PCDHGA9: variants seen among roughly 807,000 people sequenced by gnomAD.
PCDHGA9 encodes the protein protocadherin gamma-A9.
In PCDHGA9, 37 loss-of-function variants were observed where a neutral mutation model predicts 62.5. The ratio of observed to expected loss-of-function variants is 0.59; its 90% CI spans 0.46 to 0.78. The LOEUF (loss-of-function observed/expected upper bound fraction) is 0.78, where lower values mean the gene tolerates loss of function less well. PCDHGA9 is among the 30% of genes least tolerant of loss of function. The pLI is 0.00. For missense variants in PCDHGA9, 1,138 were observed against 1,166.2 expected, an observed-to-expected ratio of 0.98 and a Z score of 0.35; for synonymous variants, 459 against 484.6, an observed-to-expected ratio of 0.95 and a Z score of 0.69.
Position 141,485,716 on chromosome 5 carries a change from T to C in PCDHGA9, c.2425-9091T>C. Reference sequence around the variant, plus strand: ...GCTCCAATGAACACTTTGCACTGGATGTGAAGAAGCGCAGCGACGGCAGCC... The same window carrying C: ...GCTCCAATGAACACTTTGCACTGGACGTGAAGAAGCGCAGCGACGGCAGCC... On this transcript the variant is annotated intron_variant, in intron 1 of 3. Coordinates refer to ENST00000573521, the MANE Select transcript of PCDHGA9 (RefSeq NM_018921.3). The surrounding 1 kb of genome is among the most constrained non-coding windows in gnomAD (Gnocchi z 5.7). The C allele has an allele frequency of 6.2e-7, 1 of 1,614,044 alleles. No individual in the cohort carries two copies. Among genetic ancestry groups the C allele is most frequent in the Non-Finnish European group, 8.5e-7 (1 of 1,180,002 alleles).
intron 1 of PCDHGA9, chr5:141,423,505 C>G: frequency 6.2e-7 from 1 of 1,613,932 alleles, no homozygotes; most frequent in Non-Finnish European, 8.5e-7. Context: ...CGAGGTCTCT[C>G]TCATTGCGGA....
chr5:141,434,277 A>G (rs760937958), intron 1 of PCDHGA9, among the ~76,000 whole-genome samples: 4 of 152,172 alleles, frequency 2.6e-5, no homozygotes, highest in Non-Finnish European at 4.4e-5. Flanking sequence ...AATTAGAGGT[A>G]TTCTCTGTTT....
chr5:141,454,546 A>G (rs1342532359), intron 1 of PCDHGA9, among the ~76,000 whole-genome samples: 1 of 152,098 alleles, frequency 6.6e-6, no homozygotes, highest in African/African-American at 2.4e-5. Flanking sequence ...AGCTGAGATT[A>G]CAGGCATGTG....
rs2099699514 is a variant in PCDHGA9 at position 141,490,385 on chromosome 5, A to G, written c.2425-4422A>G. 1 of 1,614,190 alleles carries G rather than the reference A, an allele frequency of 6.2e-7. No individual in the cohort carries two copies. Among genetic ancestry groups the G allele is most frequent in the African/African-American group, 1.3e-5 (1 of 75,032 alleles). ...GTGCGAGACCGGGACTCAGGTAGAA[A>G]TGGTGAAGTGAGCCTTGATATCTCT... On this transcript the variant is annotated intron_variant, in intron 1 of 3. Coordinates refer to ENST00000573521, the MANE Select transcript of PCDHGA9 (RefSeq NM_018921.3). This position sits in a 1 kb window ranked among gnomAD's most constrained non-coding sequence, Gnocchi z 5.4.
rs142703691 is a variant in PCDHGA9 at position 141,489,691 on chromosome 5, C to T, written c.2425-5116C>T. On this transcript the variant is annotated intron_variant, in intron 1 of 3. Transcript: ENST00000573521. The surrounding 1 kb of genome is among the most constrained non-coding windows in gnomAD (Gnocchi z 4.5). ...CTCAGAATCAGCAGCATCTGGGGCACGATTCCCACTGGACAGTGCCCAGGA... is the reference window on the plus strand; with the variant it reads ...CTCAGAATCAGCAGCATCTGGGGCATGATTCCCACTGGACAGTGCCCAGGA... 8.1e-6 allele frequency: 13 copies of T among 1,614,164 alleles called. No individual in the cohort carries two copies. The highest frequency in any genetic ancestry group is 3.3e-5 in the South Asian group (3 of 91,080).
chr5:141,476,726 C>T lies in PCDHGA9; in HGVS notation c.2425-18081C>T. On this transcript the variant is annotated intron_variant, in intron 1 of 3. Coordinates refer to ENST00000573521, the MANE Select transcript of PCDHGA9 (RefSeq NM_018921.3). This position sits in a 1 kb window ranked among gnomAD's most constrained non-coding sequence, Gnocchi z 7.6. ...GCTGGTGTTGGAGCGCGCCCTGGAC[C>T]GAGAACGGGAGCCTAGTCTCCAGTT... The T allele has an allele frequency of 6.2e-7, 1 of 1,614,116 alleles. No homozygotes were observed. The highest frequency in any genetic ancestry group is 8.5e-7 in the Non-Finnish European group (1 of 1,180,028).
chr5:141,413,263 G>A, intron 1 of PCDHGA9: 1 of 1,613,940 alleles, frequency 6.2e-7, no homozygotes, highest in Admixed American at 1.7e-5. Flanking sequence ...TCCATGGGAG[G>A]CTGGAGCCCG....
chr5:141,490,945 C>T lies in PCDHGA9; in HGVS notation c.2425-3862C>T, dbSNP rs2099706308. On this transcript the variant is annotated intron_variant, in intron 1 of 3. Transcript: ENST00000573521. This position sits in a 1 kb window ranked among gnomAD's most constrained non-coding sequence, Gnocchi z 5.4. ...TGCCCCAGCTGTGCTGCACCCACGG[C>T]CAGACTGGGAACACTCAGCCCCCCA... The T allele has an allele frequency of 6.2e-7, 1 of 1,613,434 alleles. No homozygotes were observed. Among genetic ancestry groups the T allele is most frequent in the South Asian group, 1.1e-5 (1 of 91,010 alleles).
At chr5:141,408,286 C>G (rs751845459) in intron 1 of PCDHGA9, 81 of 1,613,074 alleles carry the variant, frequency 5.0e-5, no homozygotes, top group Non-Finnish European at 6.3e-5. Context: ...TCTACCCCAC[C>G]CTGAGTGAGC....
chr5:141,486,263 G>GAACCTGGC lies in PCDHGA9; in HGVS notation c.2425-8542_2425-8535dup. 6.2e-7 allele frequency: 1 copy of GAACCTGGC among 1,614,090 alleles called. No homozygotes were observed. Among genetic ancestry groups the GAACCTGGC allele is most frequent in the South Asian group, 1.1e-5 (1 of 91,064 alleles). On this transcript the variant is annotated intron_variant, in intron 1 of 3. Coordinates refer to ENST00000573521, the MANE Select transcript of PCDHGA9 (RefSeq NM_018921.3). This position sits in a 1 kb window ranked among gnomAD's most constrained non-coding sequence, Gnocchi z 5.0. ...GCTTGGAACCCTCCCCGAGAGTGCAGAACCTGGCACTGTGGTGGCACTTAT... is the reference window on the plus strand; with the variant it reads ...GCTTGGAACCCTCCCCGAGAGTGCAGAACCTGGCAACCTGGCACTGTGGTGGCACTTAT...
At chr5:141,437,197 G>A (rs535640562) in intron 1 of PCDHGA9, among the ~76,000 whole-genome samples, 69 of 152,330 alleles carry the variant, frequency 4.5e-4, no homozygotes, top group Non-Finnish European at 7.8e-4. Flanking sequence ...GGGTTTGGAT[G>A]TGTTTACATT....
chr5:141,421,403 A>G, intron 1 of PCDHGA9: 1 of 1,614,054 alleles, frequency 6.2e-7, no homozygotes, highest in Non-Finnish European at 8.5e-7. Context: ...GAGCCCCGGG[A>G]GCTGGCGAAG....
chr5:141,485,920 T>G lies in PCDHGA9; in HGVS notation c.2425-8887T>G. 4 of 1,614,038 alleles carry G rather than the reference T, an allele frequency of 2.5e-6. No individual in the cohort carries two copies. Among genetic ancestry groups the G allele is most frequent in the Non-Finnish European group, 3.4e-6 (4 of 1,180,010 alleles). ...CCTTCCAGCAATCCAGCTACAGGAT[T>G]AGTGTGTTGGAGAGCGCACCAGCGG... On this transcript the variant is annotated intron_variant, in intron 1 of 3. Transcript: ENST00000573521. The surrounding 1 kb of genome is among the most constrained non-coding windows in gnomAD (Gnocchi z 5.7).
At position 141,487,937 on chromosome 5, in the gene PCDHGA9, T is replaced by G; in HGVS notation, c.2425-6870T>G. 2 of 603,606 alleles carry G rather than the reference T, an allele frequency of 3.3e-6. No homozygotes were observed. The highest frequency in any genetic ancestry group is 2.9e-6 in the Non-Finnish European group (1 of 345,124). 37.4% of individuals were successfully genotyped at this position (603,606 alleles called of 1,614,324 possible). ...GGAGGCTACAGTGCACAGGGTACAG[T>G]GCACCAGGCAGTCACTTGGACAAAG... On this transcript the variant is annotated intron_variant, in intron 1 of 3. Transcript: ENST00000573521. The surrounding 1 kb of genome is among the most constrained non-coding windows in gnomAD (Gnocchi z 5.0).
rs548002755 is a variant in PCDHGA9, at chr5:141,409,062, G to A, written c.2424+3686G>A. On this transcript the variant is annotated intron_variant, in intron 1 of 3. Coordinates refer to ENST00000573521, the MANE Select transcript of PCDHGA9 (RefSeq NM_018921.3). ...TACTACTTCCGAAGCACTGCCCAGAGCACAAAACATATGTTCTCATTGGAT... is the reference window on the plus strand; with the variant it reads ...TACTACTTCCGAAGCACTGCCCAGAACACAAAACATATGTTCTCATTGGAT... The A allele has an allele frequency of 3.1e-6, 5 of 1,614,000 alleles. No homozygotes were observed. The South Asian group carries it at 4.4e-5, about 14-fold the overall frequency.
intron 1 of PCDHGA9, chr5:141,419,908 C>T: frequency 1.2e-6 from 2 of 1,613,976 alleles, no homozygotes; most frequent in Non-Finnish European, 1.7e-6. Context: ...CACCCTCTGA[C>T]TCCCAGGCTG....
chr5:141,507,619 G>T (rs1237918589), intron 3 of PCDHGA9, among the ~76,000 whole-genome samples: 22 of 152,256 alleles, frequency 1.4e-4, no homozygotes, highest in Admixed American at 1.4e-3. Context: ...ATATTTAGCT[G>T]TTGTGGCCTT....
Position 141,486,589 on chromosome 5 carries a change from C to T in PCDHGA9, c.2425-8218C>T. On this transcript the variant is annotated intron_variant, in intron 1 of 3. Transcript: ENST00000573521. The surrounding 1 kb of genome is among the most constrained non-coding windows in gnomAD (Gnocchi z 5.0). ...TTCCTGAGAACAATCGCCCAGGGGA[C>T]CTGCTTTGCTCCCTTGCAGCCTCTG... 1 of 1,613,676 alleles carries T rather than the reference C, an allele frequency of 6.2e-7. No individual in the cohort carries two copies. Among genetic ancestry groups the T allele is most frequent in the African/African-American group, 1.3e-5 (1 of 75,064 alleles).
intron 1 of PCDHGA9, chr5:141,423,684 T>TA (rs1412198122): frequency 1.3e-6 from 2 of 1,524,644 alleles, no homozygotes; most frequent in Non-Finnish European, 1.8e-6. Context: ...CTCTGCCTCC[T>TA]AATTGTTGGT....
Sources: gnomAD v4.1 joint callset for allele counts (sites outside exome capture counted in the v4.1 genomes callset) on GRCh38, gnomAD v4.1.1 for gene constraint, Gnocchi (gnomAD v3.1) non-coding constraint, MANE v1.5 for transcripts, NCBI Gene and HGNC (gene_info 2026-07-23, HGNC 2026-07-21) for gene names.